ARL6: variants seen among roughly 807,000 people sequenced by gnomAD.
ARL6 encodes the protein ADP-ribosylation factor-like protein 6.
ARL6 carries 18 observed loss-of-function variants against 27.1 expected under a neutral mutation model. The ratio of observed to expected loss-of-function variants is 0.66; its 90% CI spans 0.46 to 0.98. The LOEUF (loss-of-function observed/expected upper bound fraction) is 0.98, where lower values mean the gene tolerates loss of function less well. ARL6 is among the 50% of genes least tolerant of loss of function. The pLI, the probability that ARL6 is intolerant of heterozygous loss-of-function variation, is 0.00. For synonymous variants in ARL6, 65 were observed against 72.3 expected (o/e 0.90, Z 0.51); for missense variants, 187 against 214.9 (o/e 0.87, Z 0.81).
At chr3:97,774,598 A>C (rs1444043852) in intron 2 of ARL6, among the ~76,000 whole-genome samples, 1 of 152,162 alleles carries the variant, frequency 6.6e-6, no homozygotes, top group Non-Finnish European at 1.5e-5. Flanking sequence ...CCCCAGCTTC[A>C]TCAGGGTCCT....
intron 2 of ARL6, among the ~76,000 whole-genome samples, chr3:97,776,661 T>TG (rs2036917694): frequency 6.8e-6 from 1 of 146,906 alleles, no homozygotes; most frequent in Non-Finnish European, 1.5e-5. Flanking sequence ...TTTATTTATT[T>TG]ATTTTTTTTT....
At chr3:97,773,501 G>A (rs540643280) in intron 2 of ARL6, among the ~76,000 whole-genome samples, 90 of 151,994 alleles carry the variant, frequency 5.9e-4, no homozygotes, top group Non-Finnish European at 1.1e-3. Context: ...CACATCTCCT[G>A]AGATCATACA....
intron 3 of ARL6, 117 bp from the exon 4 acceptor site, chr3:97,780,498 G>A (rs1422943839): frequency 1.2e-6 from 1 of 829,492 alleles, no homozygotes; most frequent in Non-Finnish European, 2.0e-6. Context: ...CTTGTAAATT[G>A]GCACATGTTG....
At chr3:97,788,207 T>C in intron 6 of ARL6, 88 bp downstream of exon 6, 1 of 1,394,320 alleles carries the variant, frequency 7.2e-7, no homozygotes, top group South Asian at 1.2e-5. Context: ...TTTTTAAAAA[T>C]AAGTGATCAA....
rs2036294096 is a variant in ARL6, at chr3:97,764,931, TTCCTGTTGCCAGC to T, written c.-68_-56del. ...CCGGAGACCGATACGAGTGCGTCCA[TTCCTGTTGCCAGC>T]TCCTGCGCCCTCCGGACTAACCTCA... On this transcript the variant is annotated 5_prime_UTR_variant, in exon 1 of 8. Coordinates refer to ENST00000463745, the MANE Select transcript of ARL6 (RefSeq NM_001278293.3). 1 of 152,212 alleles carries T rather than the reference TTCCTGTTGCCAGC, an allele frequency of 6.6e-6. No individual in the cohort carries two copies. Among genetic ancestry groups the T allele is most frequent in the Admixed American group, 6.5e-5 (1 of 15,282 alleles). 9.4% of individuals were successfully genotyped at this position (152,212 alleles called of 1,614,324 possible). A position where few individuals can be genotyped will look rare whatever the true frequency, so the allele number is the denominator to read the frequency against.
intron 5 of ARL6, among the ~76,000 whole-genome samples, chr3:97,787,209 C>G (rs1293692935): frequency 6.6e-6 from 1 of 152,032 alleles, no homozygotes; most frequent in Non-Finnish European, 1.5e-5. Flanking sequence ...AGAAATATTC[C>G]AGAACGGTTA....
At chr3:97,787,870 G>T in intron 5 of ARL6, 120 bp from the exon 6 acceptor site, 1 of 963,552 alleles carries the variant, frequency 1.0e-6, no homozygotes, top group Admixed American at 2.0e-5. Flanking sequence ...AAATGTTTCT[G>T]TGTGTGTGAT....
chr3:97,784,195 G>A (rs1486482095), intron 4 of ARL6, among the ~76,000 whole-genome samples: 1 of 151,760 alleles, frequency 6.6e-6, no homozygotes, highest in Non-Finnish European at 1.5e-5. Context: ...CAGTGCAATA[G>A]TTTAGAACCA....
At chr3:97,792,756 G>A (rs1001890703) in intron 7 of ARL6, among the ~76,000 whole-genome samples, 3 of 152,156 alleles carry the variant, frequency 2.0e-5, no homozygotes, top group African/African-American at 4.8e-5. Context: ...GTAGATAGTT[G>A]TGAATGAAAC....
In ARL6 at chr3:97,785,028, G is replaced by A. The variant is rs200100002; in HGVS notation, c.328G>A (p.Asp110Asn). The A allele has an allele frequency of 4.3e-6, 7 of 1,612,062 alleles. No individual in the cohort carries two copies. Among genetic ancestry groups the A allele is most frequent in the Admixed American group, 1.7e-5 (1 of 59,932 alleles). Residue 110 changes from aspartate (D) to asparagine (N), a missense_variant, in exon 5 of 8, where the codon GAT becomes AAT. Transcript: ENST00000463745. ...LRMVVAKEELDTLLNHPDIKH... is the reference protein window; with the variant it reads ...LRMVVAKEELNTLLNHPDIKH... ...AATGGTTGTGGCCAAAGAAGAACTC[G>A]ATACTCTTCTGAATCATCCAGGTAT...
At chr3:97,765,211 GGTGTGTGTGTGTGTGTGT>G (rs71113866) in intron 1 of ARL6, among the ~76,000 whole-genome samples, 1 of 105,536 alleles carries the variant, frequency 9.5e-6, no homozygotes, top group African/African-American at 2.9e-5. Context: ...GTGTATTGGG[GGTGTGTGTGTGTGTGTGT>G]GTGTGTGTGT....
intron 2 of ARL6, among the ~76,000 whole-genome samples, chr3:97,774,362 GGGGTATTGA>G (rs2036791259): frequency 6.9e-6 from 1 of 145,136 alleles, no homozygotes; most frequent in African/African-American, 2.7e-5. Flanking sequence ...GAAGCAGGCG[GGGGTATTGA>G]GGGTGACTCT....
intron 7 of ARL6, among the ~76,000 whole-genome samples, chr3:97,796,099 A>G (rs116606330): frequency 0.014 from 2,105 of 152,314 alleles, 50 homozygotes; most frequent in African/African-American, 0.048. Flanking sequence ...GCAAATTCCA[A>G]TCAATTTTTT....
rs1230004248 is a variant in ARL6, at chr3:97,799,036, T to C, written c.*987T>C. The C allele has an allele frequency of 6.6e-6, 1 of 152,060 alleles. No individual in the cohort carries two copies. Among genetic ancestry groups the C allele is most frequent in the Non-Finnish European group, 1.5e-5 (1 of 67,940 alleles). 9.4% of individuals were successfully genotyped at this position (152,060 alleles called of 1,614,324 possible). A position where few individuals can be genotyped will look rare whatever the true frequency, so the allele number is the denominator to read the frequency against. On this transcript the variant is annotated 3_prime_UTR_variant, in exon 8 of 8. Transcript: ENST00000463745. ...ATATCTCAGGCACACAAATTATTAG[T>C]TCTCACAAATTAGAGAACACTTATA... is the stretch of plus-strand genomic sequence containing the variant.
At chr3:97,782,756 AT>A (rs1016417682) in intron 4 of ARL6, among the ~76,000 whole-genome samples, 32 of 151,606 alleles carry the variant, frequency 2.1e-4, no homozygotes, top group African/African-American at 7.5e-4. Context: ...TATTTATAAC[AT>A]TTTTATATCA....
chr3:97,774,337 C>G (rs2036787695), intron 2 of ARL6, among the ~76,000 whole-genome samples: 1 of 152,032 alleles, frequency 6.6e-6, no homozygotes, highest in South Asian at 2.1e-4. Context: ...AGTTTAGAAT[C>G]CCCCCGGGAT....
Position 97,780,231 on chromosome 3 carries a change from T to G in ARL6, c.185+11T>G, listed in dbSNP as rs1156280102. The stretch of plus-strand genomic sequence containing the variant: ...ATTCAAATCATCCAGGTAATCCACT[T>G]TATCCCTTAACAAAAAAGTTGCTAG... On this transcript the variant is annotated intron_variant, in intron 3 of 7. Coordinates refer to ENST00000463745, the MANE Select transcript of ARL6 (RefSeq NM_001278293.3). 1 of 1,604,642 alleles carries G rather than the reference T, an allele frequency of 6.2e-7. No homozygotes were observed. The highest frequency in any genetic ancestry group is 1.7e-5 in the Admixed American group (1 of 59,556).
At chr3:97,779,569 G>C (rs1214107036) in intron 2 of ARL6, among the ~76,000 whole-genome samples, 1 of 152,052 alleles carries the variant, frequency 6.6e-6, no homozygotes, top group Non-Finnish European at 1.5e-5. Flanking sequence ...CGTATGTGTT[G>C]AAAGATTAGA....
At chr3:97,792,474 T>G (rs967916337) in intron 7 of ARL6, among the ~76,000 whole-genome samples, 4 of 151,898 alleles carry the variant, frequency 2.6e-5, no homozygotes, top group African/African-American at 9.7e-5. Context: ...AAAGCAAGAC[T>G]CCATCTCAAG....
Sources: allele counts gnomAD v4.1 joint callset (sites outside exome capture counted in the v4.1 genomes callset), GRCh38; gene constraint gnomAD v4.1.1; transcripts MANE v1.5; gene names NCBI Gene and HGNC (gene_info 2026-07-23, HGNC 2026-07-21).